Variants in DOCK3 observed in about 807,000 individuals in gnomAD.
DOCK3 encodes dedicator of cytokinesis 3.
DOCK3 carries 60 observed loss-of-function variants against 265.6 expected under a neutral mutation model. The observed-to-expected ratio is 0.23, with a 90% CI of 0.18 to 0.28. The LOEUF is 0.28. Ranked by LOEUF, DOCK3 falls within the 10% of genes least tolerant of loss-of-function variation. The pLI is 1.00. For synonymous variants in DOCK3, 881 were observed against 938.0 expected, an observed-to-expected ratio of 0.94 and a Z score of 1.11; for missense variants, 1,981 against 2,594.3, an observed-to-expected ratio of 0.76 and a Z score of 5.14.
chr3:51,108,223 GC>G (rs527453692), intron 9 of DOCK3, among the ~76,000 whole-genome samples: 113 of 152,038 alleles, frequency 7.4e-4, no homozygotes, highest in African/African-American at 2.5e-3. Flanking sequence ...ACAGGGTTTT[GC>G]CATGCTGGTA....
Position 51,228,845 on chromosome 3 carries a change from G to C in DOCK3, c.1819+13G>C, listed in dbSNP as rs773449763. ...CTCACCCAGAATGGTAGGTGATAATGCCTGCAGGGTGGTGCCCTCCACCCT... is the reference window on the plus strand; with the variant it reads ...CTCACCCAGAATGGTAGGTGATAATCCCTGCAGGGTGGTGCCCTCCACCCT... On this transcript the variant is annotated intron_variant, in intron 18 of 52. Coordinates refer to ENST00000266037, the MANE Select transcript of DOCK3 (RefSeq NM_004947.5). 6.2e-7 allele frequency: 1 copy of C among 1,613,028 alleles called. No homozygotes were observed. Among genetic ancestry groups the C allele is most frequent in the Non-Finnish European group, 8.5e-7 (1 of 1,179,374 alleles).
intron 12 of DOCK3, among the ~76,000 whole-genome samples, chr3:51,200,387 G>A (rs2088642457): frequency 6.9e-6 from 1 of 145,590 alleles, no homozygotes; most frequent in Non-Finnish European, 1.5e-5. Flanking sequence ...GAAGAATGCA[G>A]AAGCCTCAGG....
intron 3 of DOCK3, chr3:50,863,551 G>A: frequency 2.4e-6 from 1 of 408,668 alleles, no homozygotes; most frequent in South Asian, 2.0e-5. Context: ...GACTCTCGAT[G>A]CTTTCCTTTT....
intron 10 of DOCK3, among the ~76,000 whole-genome samples, chr3:51,149,825 G>C (rs181546106): frequency 1.1e-4 from 16 of 152,262 alleles, no homozygotes; most frequent in Admixed American, 3.3e-4. Flanking sequence ...TCTCTGCCAG[G>C]CTTTGGTATC....
At chr3:51,248,762 G>C (rs1457504864) in intron 22 of DOCK3, among the ~76,000 whole-genome samples, 1 of 150,638 alleles carries the variant, frequency 6.6e-6, no homozygotes, top group Non-Finnish European at 1.5e-5. Context: ...GCCTCTTCCC[G>C]GCCGCCATCA....
chr3:50,771,862 CAAAAACAAAACA>C (rs989715517), intron 1 of DOCK3, among the ~76,000 whole-genome samples: 8 of 151,954 alleles, frequency 5.3e-5, no homozygotes, highest in Non-Finnish European at 1.2e-4. Context: ...AAAACAAAAA[CAAAAACAAAACA>C]AAAAACAAAA....
At chr3:50,867,931 G>C (rs2047224146) in intron 3 of DOCK3, among the ~76,000 whole-genome samples, 1 of 151,896 alleles carries the variant, frequency 6.6e-6, no homozygotes, top group Non-Finnish European at 1.5e-5. Context: ...GAGTAATATT[G>C]GCCTTTGTAG....
intron 1 of DOCK3, among the ~76,000 whole-genome samples, chr3:50,742,821 A>G (rs945045718): frequency 8.5e-5 from 13 of 152,188 alleles, no homozygotes; most frequent in African/African-American, 2.4e-5. Flanking sequence ...GCAGGCCAAC[A>G]TTCAGATTCA....
At chr3:51,207,856 G>A (rs918771829) in intron 12 of DOCK3, among the ~76,000 whole-genome samples, 1 of 152,082 alleles carries the variant, frequency 6.6e-6, no homozygotes, top group Non-Finnish European at 1.5e-5. Flanking sequence ...TAACCAACAG[G>A]GGACGGGGTA....
chr3:50,794,579 C>T (rs1272581145), intron 2 of DOCK3, among the ~76,000 whole-genome samples: 1 of 152,052 alleles, frequency 6.6e-6, no homozygotes, highest in Non-Finnish European at 1.5e-5. Flanking sequence ...TTTTGTCTTG[C>T]TTGGTAGATT....
chr3:51,295,876 T>A (rs553335058), intron 27 of DOCK3, among the ~76,000 whole-genome samples: 1 of 152,332 alleles, frequency 6.6e-6, no homozygotes, highest in South Asian at 2.1e-4. Flanking sequence ...TGAGGTATTC[T>A]GTCCTCCAGG....
chr3:50,835,482 A>G (rs1482073395), intron 2 of DOCK3, among the ~76,000 whole-genome samples: 1 of 152,238 alleles, frequency 6.6e-6, no homozygotes, highest in Non-Finnish European at 1.5e-5. Context: ...ACTATAAACC[A>G]TCTTTTGAAG....
At chr3:51,061,320 C>T (rs1262130621) in intron 5 of DOCK3, among the ~76,000 whole-genome samples, 5 of 152,122 alleles carry the variant, frequency 3.3e-5, no homozygotes, top group Non-Finnish European at 7.4e-5. Flanking sequence ...CCCAAATGTC[C>T]AACAGTGATA....
At chr3:51,080,289 A>G (rs1466266704) in intron 7 of DOCK3, among the ~76,000 whole-genome samples, 1 of 152,270 alleles carries the variant, frequency 6.6e-6, no homozygotes, top group Non-Finnish European at 1.5e-5. Flanking sequence ...CTACTGGAGA[A>G]AAACTGGCAG....
chr3:50,739,881 G>A (rs1443396866), intron 1 of DOCK3, among the ~76,000 whole-genome samples: 3 of 151,998 alleles, frequency 2.0e-5, no homozygotes, highest in Non-Finnish European at 4.4e-5. Context: ...ATTTATAATT[G>A]ATATAATCTA....
chr3:50,819,730 G>A (rs572181654), intron 2 of DOCK3, among the ~76,000 whole-genome samples: 3 of 152,330 alleles, frequency 2.0e-5, no homozygotes, highest in Admixed American at 2.0e-4. Flanking sequence ...GGGAAGCCAG[G>A]GCAGGTGGAT....
At chr3:51,307,878 G>GTTTTTTTTTT (rs1197872774) in intron 27 of DOCK3, among the ~76,000 whole-genome samples, 2 of 42,022 alleles carry the variant, frequency 4.8e-5, no homozygotes. Context: ...AAATTATATG[G>GTTTTTTTTTT]GTTTTTTTTT....
intron 27 of DOCK3, among the ~76,000 whole-genome samples, chr3:51,304,977 C>G (rs2082573015): frequency 6.6e-6 from 1 of 152,156 alleles, no homozygotes. Context: ...TATGATCTGT[C>G]CTAGAGAAGG....
chr3:51,089,216 T>C, intron 7 of DOCK3, 27 bp from the exon 8 acceptor site: 1 of 1,590,702 alleles, frequency 6.3e-7, no homozygotes, highest in Non-Finnish European at 8.6e-7. Flanking sequence ...CCCGGTAGAG[T>C]TTATTTTTCT....
Sources: allele counts gnomAD v4.1 joint callset (sites outside exome capture counted in the v4.1 genomes callset), GRCh38; gene constraint gnomAD v4.1.1; transcripts MANE v1.5; gene names NCBI Gene and HGNC (gene_info 2026-07-23, HGNC 2026-07-21).